The following TSKU variants were observed in gnomAD, a reference collection of about 807,000 sequenced individuals.
TSKU encodes tsukushi.
TSKU carries 4 observed loss-of-function variants against 11.2 expected under a neutral mutation model. The ratio of observed to expected loss-of-function variants is 0.36; its 90% CI spans 0.18 to 0.82. TSKU has a LOEUF of 0.82. Among genes scored for constraint, TSKU ranks in the 40% least tolerant of loss-of-function variants. TSKU has a pLI of 0.50. For missense variants in TSKU, 407 were observed against 482.5 expected (o/e 0.84, Z 1.47); for synonymous variants, 220 against 232.2 (o/e 0.95, Z 0.48).
intron 1 of TSKU, among the ~76,000 whole-genome samples, chr11:76,783,855 G>A (rs960657102): frequency 2.0e-4 from 31 of 152,290 alleles, no homozygotes; most frequent in Admixed American, 1.8e-3. Context: ...GACGTGTCTG[G>A]GCTGGGTGTC....
In TSKU at chr11:76,795,974, C is replaced by T. The variant is rs1204625812; in HGVS notation, c.358C>T (p.Leu120=). The change falls in exon 2 of 2, where the codon CTG becomes TTG. Residue 120 remains leucine, a synonymous_variant. Transcript: ENST00000333090. ...LESLDLSHNG[L]TALPAESFTS... Reference sequence around the variant, plus strand: ...GTCGCTTGACCTCAGCCACAATGGCCTGACAGCCCTGCCAGCCGAGAGCTT... The same window carrying T: ...GTCGCTTGACCTCAGCCACAATGGCTTGACAGCCCTGCCAGCCGAGAGCTT... 6.2e-7 allele frequency: 1 copy of T among 1,613,956 alleles called. No individual in the cohort carries two copies. Among genetic ancestry groups the T allele is most frequent in the Non-Finnish European group, 8.5e-7 (1 of 1,180,024 alleles).
Position 76,796,012 on chromosome 11 carries a change from C to G in TSKU, c.396C>G (p.Pro132=). ...ALPAESFTSS[P]LSDVNLSHNQ... is the part of the protein sequence containing the mutation. ...CAGCCGAGAGCTTCACCAGCTCACC[C>G]CTGAGCGACGTGAACCTTAGCCACA... The change falls in exon 2 of 2, where the codon CCC becomes CCG. Residue 132 remains proline, a synonymous_variant. Coordinates refer to ENST00000333090, the MANE Select transcript of TSKU (RefSeq NM_015516.4). This position sits in a 1 kb window ranked among gnomAD's most constrained non-coding sequence, Gnocchi z 4.1. 2 of 1,613,994 alleles carry G rather than the reference C, an allele frequency of 1.2e-6. No homozygotes were observed. Among genetic ancestry groups the G allele is most frequent in the Non-Finnish European group, 1.7e-6 (2 of 1,180,034 alleles).
chr11:76,793,919 C>T (rs1944407077), intron 1 of TSKU, among the ~76,000 whole-genome samples: 1 of 152,180 alleles, frequency 6.6e-6, no homozygotes, highest in South Asian at 2.1e-4. Flanking sequence ...AAGTTTCATG[C>T]AGGGCTGGTA....
chr11:76,784,760 T>C (rs866763973), intron 1 of TSKU, among the ~76,000 whole-genome samples: 11 of 44,684 alleles, frequency 2.5e-4, no homozygotes, highest in African/African-American at 8.1e-4. Context: ...GGGGGGGGGG[T>C]GCTCAGAGCT....
chr11:76,786,254 A>G (rs1326068613), intron 1 of TSKU, among the ~76,000 whole-genome samples: 1 of 152,244 alleles, frequency 6.6e-6, no homozygotes, highest in East Asian at 1.9e-4. Flanking sequence ...AGATTCGTAG[A>G]TGGCCACAGA....
chr11:76,794,928 G>A (rs1166824603), intron 1 of TSKU, among the ~76,000 whole-genome samples: 1 of 152,210 alleles, frequency 6.6e-6, no homozygotes, highest in Non-Finnish European at 1.5e-5. Context: ...TTCTCTGTCA[G>A]TGTCCCCTCT....
chr11:76,793,745 T>C (rs1944404788), intron 1 of TSKU, among the ~76,000 whole-genome samples: 1 of 151,852 alleles, frequency 6.6e-6, no homozygotes, highest in Admixed American at 6.5e-5. Context: ...GCTGGGACCA[T>C]GCCCAGGATG....
Position 76,796,618 on chromosome 11 carries a change from G to C in TSKU, c.1002G>C (p.Lys334Asn). 6.7e-7 allele frequency: 1 copy of C among 1,488,864 alleles called. No individual in the cohort carries two copies. Among genetic ancestry groups the C allele is most frequent in the South Asian group, 1.4e-5 (1 of 73,852 alleles). The allele number at this position is 1,488,864 out of a possible 1,614,324, so 92.2% of individuals were successfully genotyped here. A position where few individuals can be genotyped will look rare whatever the true frequency, so the allele number is the denominator to read the frequency against. ...TYPRRPGSSP[K>N]VALHCVDTRD... The stretch of plus-strand genomic sequence containing the variant: ...CCCGGAGGCCTGGCTCCAGCCCCAA[G>C]GTGGCCCTGCACTGCGTAGACACCC... Residue 334 changes from lysine to asparagine, a missense_variant, in exon 2 of 2, where the codon AAG becomes AAC. By Grantham distance (94) the Lys-to-Asn change is moderately conservative (BLOSUM62 0). Transcript: ENST00000333090. This position sits in a 1 kb window ranked among gnomAD's most constrained non-coding sequence, Gnocchi z 4.1.
rs200192766 is a variant in TSKU at position 76,796,420 on chromosome 11, C to T, written c.804C>T (p.Asn268=). The change falls in exon 2 of 2, where the codon AAC becomes AAT. Residue 268 remains asparagine, a synonymous_variant. Transcript: ENST00000333090. This position sits in a 1 kb window ranked among gnomAD's most constrained non-coding sequence, Gnocchi z 4.1. ...ACCTGTCGGGCAACCCCAAGCTTAA[C>T]TGGGCAGGAGCTGAGGTGTTTTCAG... ...VLDLSGNPKL[N]WAGAEVFSGL... 6.2e-6 allele frequency: 10 copies of T among 1,613,628 alleles called. No individual in the cohort carries two copies. The highest frequency in any genetic ancestry group is 8.5e-7 in the Non-Finnish European group (1 of 1,179,982).
intron 1 of TSKU, among the ~76,000 whole-genome samples, chr11:76,794,651 AG>A (rs1298793512): frequency 6.6e-6 from 1 of 152,190 alleles, no homozygotes; most frequent in Admixed American, 6.5e-5. Context: ...AGAACCAAAG[AG>A]GTGTAGTAGC....
chr11:76,783,982 C>T (rs1023809318), intron 1 of TSKU, among the ~76,000 whole-genome samples: 5 of 152,190 alleles, frequency 3.3e-5, no homozygotes, highest in African/African-American at 4.8e-5. Flanking sequence ...GGCAACAGCC[C>T]CAGTCCTCCC....
intron 1 of TSKU, among the ~76,000 whole-genome samples, chr11:76,787,354 T>C (rs1408905011): frequency 6.6e-6 from 1 of 152,322 alleles, no homozygotes; most frequent in African/African-American, 2.4e-5. Flanking sequence ...CCCTGTAGAT[T>C]ATCCTCCTTG....
At chr11:76,793,231 T>G (rs1944397911) in intron 1 of TSKU, among the ~76,000 whole-genome samples, 1 of 152,280 alleles carries the variant, frequency 6.6e-6, no homozygotes, top group Non-Finnish European at 1.5e-5. Context: ...CATCGGCTGT[T>G]ACTACCATTG....
chr11:76,783,035 G>C (rs1215721338), upstream of TSKU: 1 of 152,574 alleles, frequency 6.6e-6, no homozygotes, highest in Non-Finnish European at 1.5e-5. Flanking sequence ...CGACAGTGCG[G>C]CCATCTGCTT....
At position 76,796,097 on chromosome 11, in the gene TSKU, C is replaced by T; in HGVS notation, c.481C>T (p.His161Tyr). The change falls in exon 2 of 2, where the codon CAC becomes TAC. Residue 161 changes from histidine to tyrosine, a missense_variant. Coordinates refer to ENST00000333090, the MANE Select transcript of TSKU (RefSeq NM_015516.4). The surrounding 1 kb of genome is among the most constrained non-coding windows in gnomAD (Gnocchi z 4.1). ...FTTHSQGRAL[H>Y]VDLSHNLIHR... ...GACGCACAGTCAGGGCCGGGCACTACACGTGGACCTCTCCCACAACCTCAT... is the reference window on the plus strand; with the variant it reads ...GACGCACAGTCAGGGCCGGGCACTATACGTGGACCTCTCCCACAACCTCAT... The T allele has an allele frequency of 1.2e-6, 2 of 1,614,044 alleles. No homozygotes were observed. Among genetic ancestry groups the T allele is most frequent in the Non-Finnish European group, 1.7e-6 (2 of 1,180,016 alleles).
chr11:76,791,816 C>T (rs1194111104), intron 1 of TSKU: 3 of 152,244 alleles, frequency 2.0e-5, no homozygotes, highest in African/African-American at 7.2e-5. Flanking sequence ...TGTATGGAAA[C>T]ACCTGGATGC....
Position 76,797,239 on chromosome 11 carries a change from CTG to C in TSKU, c.*562_*563del, listed in dbSNP as rs1944465944. 6.0e-6 allele frequency: 1 copy of C among 167,180 alleles called. No individual in the cohort carries two copies. Among genetic ancestry groups the C allele is most frequent in the African/African-American group, 2.4e-5 (1 of 41,464 alleles). The allele number at this position is 167,180 out of a possible 1,614,324, so 10.4% of individuals were successfully genotyped here. On this transcript the variant is annotated 3_prime_UTR_variant, in exon 2 of 2. Transcript: ENST00000333090. ...CCTTCTCATGTGACAGATGGGGAAA[CTG>C]AGGCCTTGAGAAGGAAAAAGGCTAA...
At chr11:76,785,692 T>C (rs1149612) in intron 1 of TSKU, among the ~76,000 whole-genome samples, 22,074 of 152,136 alleles carry the variant, frequency 0.15, 2,171 homozygotes, top group East Asian at 0.4. Flanking sequence ...AGAAGGGGGA[T>C]TTGAGCCTGT....
At chr11:76,789,351 TG>T (rs2134392169) in intron 1 of TSKU, among the ~76,000 whole-genome samples, 1 of 152,316 alleles carries the variant, frequency 6.6e-6, no homozygotes, top group South Asian at 2.1e-4. Context: ...ACTTGATTTC[TG>T]TAGGTAAAAA....
Sources: allele counts gnomAD v4.1 joint callset (sites outside exome capture counted in the v4.1 genomes callset), GRCh38; gene constraint gnomAD v4.1.1; non-coding constraint Gnocchi (gnomAD v3.1); transcripts MANE v1.5; gene names NCBI Gene and HGNC (gene_info 2026-07-23, HGNC 2026-07-21).